The following ST6GALNAC3 variants were observed in gnomAD, a reference collection of about 807,000 sequenced individuals.
ST6GALNAC3 encodes the protein alpha-N-acetylgalactosaminide alpha-2,6-sialyltransferase 3.
Under a neutral mutation model 32.7 loss-of-function variants are expected in ST6GALNAC3, and 25 were observed. That is an observed-to-expected ratio of 0.76 (90% CI 0.56 to 1.07). ST6GALNAC3 has a LOEUF of 1.07. Among genes scored for constraint, ST6GALNAC3 ranks in the 50% least tolerant of loss-of-function variants. ST6GALNAC3 has a pLI of 0.00. For synonymous variants in ST6GALNAC3, 129 were observed against 133.1 expected (o/e 0.97, Z 0.21); for missense variants, 355 against 382.4 (o/e 0.93, Z 0.60).
intron 2 of ST6GALNAC3, among the ~76,000 whole-genome samples, chr1:76,348,020 A>G (rs1472498816): frequency 6.6e-6 from 1 of 152,186 alleles, no homozygotes; most frequent in Non-Finnish European, 1.5e-5. Flanking sequence ...CTTCCTCAGC[A>G]AACTCCGGTA....
intron 2 of ST6GALNAC3, among the ~76,000 whole-genome samples, chr1:76,320,123 G>A (rs886308180): frequency 3.3e-5 from 5 of 152,194 alleles, no homozygotes; most frequent in Admixed American, 6.5e-5. Flanking sequence ...TTTTGTGGGA[G>A]AGGTGAGACA....
chr1:76,367,176 T>A (rs1187677251), intron 2 of ST6GALNAC3, among the ~76,000 whole-genome samples: 1 of 152,236 alleles, frequency 6.6e-6, no homozygotes, highest in Admixed American at 6.5e-5. Context: ...GCAAGCTATA[T>A]AGTAAACTAT....
rs148926678 is a variant in ST6GALNAC3 at position 76,189,195 on chromosome 1, C to T, written c.18+114311C>T. Among the ~76,000 whole-genome samples the T allele has an allele frequency of 1.6e-3, 250 of 152,326 alleles. 1 individual carries two copies. Among genetic ancestry groups the T allele is most frequent in the African/African-American group, 5.7e-3 (235 of 41,578 alleles). ...GGCCCTGCAGGGCTGTATGGTCTCA[C>T]AGGCAAGGGTGCCTATCTGCTGGGA... On this transcript the variant is annotated intron_variant, in intron 1 of 4. Transcript: ENST00000328299.
intron 2 of ST6GALNAC3, among the ~76,000 whole-genome samples, chr1:76,359,495 A>T (rs1463111693): frequency 1.3e-5 from 2 of 152,186 alleles, no homozygotes; most frequent in Non-Finnish European, 2.9e-5. Flanking sequence ...CAGATCACGG[A>T]ACTACCAGAA....
At chr1:76,324,419 T>C (rs1647028253) in intron 2 of ST6GALNAC3, among the ~76,000 whole-genome samples, 1 of 152,152 alleles carries the variant, frequency 6.6e-6, no homozygotes, top group Admixed American at 6.5e-5. Context: ...ACATCAATAG[T>C]GACAAATGGT....
intron 3 of ST6GALNAC3, among the ~76,000 whole-genome samples, chr1:76,492,645 T>C (rs1373049971): frequency 6.6e-6 from 1 of 152,076 alleles, no homozygotes; most frequent in Admixed American, 6.6e-5. Flanking sequence ...ACCAACCTAA[T>C]TTGAATGTGA....
chr1:76,402,713 C>A (rs989604123), intron 2 of ST6GALNAC3, among the ~76,000 whole-genome samples: 1 of 152,106 alleles, frequency 6.6e-6, no homozygotes, highest in South Asian at 2.1e-4. Flanking sequence ...TTAACTGTAA[C>A]TCGAAGTACC....
chr1:76,512,926 G>C (rs1661957242), intron 3 of ST6GALNAC3, among the ~76,000 whole-genome samples: 1 of 151,860 alleles, frequency 6.6e-6, no homozygotes, highest in African/African-American at 2.4e-5. Flanking sequence ...TTTTTCATGT[G>C]CCTATTGGCC....
chr1:76,111,523 G>T (rs990019617), intron 1 of ST6GALNAC3, among the ~76,000 whole-genome samples: 11 of 151,394 alleles, frequency 7.3e-5, no homozygotes, highest in Non-Finnish European at 1.6e-4. Flanking sequence ...ATAGTGGAGG[G>T]AAGGTCAGCA....
chr1:76,604,772 C>T (rs1647415122), intron 3 of ST6GALNAC3, among the ~76,000 whole-genome samples: 2 of 152,196 alleles, frequency 1.3e-5, no homozygotes. Context: ...TCTGGATTCT[C>T]CATTTTCATC....
chr1:76,359,436 G>T (rs1570825), intron 2 of ST6GALNAC3, among the ~76,000 whole-genome samples: 28,590 of 152,062 alleles, frequency 0.19, 3,516 homozygotes, highest in Non-Finnish European at 0.27. Context: ...CGGAAAGATA[G>T]AAATTCACAC....
intron 1 of ST6GALNAC3, among the ~76,000 whole-genome samples, chr1:76,253,397 C>T (rs551926015): frequency 1.8e-4 from 28 of 152,142 alleles, no homozygotes; most frequent in South Asian, 4.2e-4. Flanking sequence ...AAGATGGAGG[C>T]GCTCATTTAT....
At chr1:76,156,958 T>C (rs7528463) in intron 1 of ST6GALNAC3, among the ~76,000 whole-genome samples, 3,558 of 152,282 alleles carry the variant, frequency 0.023, 70 homozygotes, top group Middle Eastern at 0.062. Context: ...GTCTCAATCT[T>C]CTGACCTCGT....
intron 3 of ST6GALNAC3, among the ~76,000 whole-genome samples, chr1:76,413,899 A>G (rs1315154409): frequency 6.6e-6 from 1 of 152,150 alleles, no homozygotes; most frequent in African/African-American, 2.4e-5. Flanking sequence ...GAGCAATGCA[A>G]TTAATGAAAT....
At chr1:76,288,792 G>A (rs112519592) in intron 1 of ST6GALNAC3, among the ~76,000 whole-genome samples, 65 of 152,288 alleles carry the variant, frequency 4.3e-4, no homozygotes, top group African/African-American at 1.5e-3. Flanking sequence ...ACAGGTGATG[G>A]TCAGAGTCAG....
At chr1:76,349,488 A>G (rs1201044858) in intron 2 of ST6GALNAC3, among the ~76,000 whole-genome samples, 1 of 152,142 alleles carries the variant, frequency 6.6e-6, no homozygotes, top group Non-Finnish European at 1.5e-5. Context: ...TTTCCAAGAA[A>G]AAACACCCTG....
intron 1 of ST6GALNAC3, among the ~76,000 whole-genome samples, chr1:76,229,502 G>A (rs911680679): frequency 8.5e-5 from 13 of 152,192 alleles, no homozygotes; most frequent in African/African-American, 1.9e-4. Flanking sequence ...TTGTGTCTCC[G>A]CCAAAATGCA....
At chr1:76,128,786 G>C (rs949697230) in intron 1 of ST6GALNAC3, among the ~76,000 whole-genome samples, 10 of 152,212 alleles carry the variant, frequency 6.6e-5, no homozygotes, top group African/African-American at 1.9e-4. Context: ...GGCCTCCCTG[G>C]TTCTCAGCCC....
chr1:76,117,464 T>G (rs1648555920), intron 1 of ST6GALNAC3, among the ~76,000 whole-genome samples: 1 of 152,250 alleles, frequency 6.6e-6, no homozygotes, highest in Non-Finnish European at 1.5e-5. Context: ...CCACTCAGGT[T>G]TTATTTCTTT....
Sources: allele counts gnomAD v4.1 joint callset (sites outside exome capture counted in the v4.1 genomes callset), GRCh38; gene constraint gnomAD v4.1.1; transcripts MANE v1.5; gene names NCBI Gene and HGNC (gene_info 2026-07-23, HGNC 2026-07-21).